Variants in DOCK7 observed in about 807,000 individuals in gnomAD.
DOCK7 encodes the protein dedicator of cytokinesis protein 7.
A neutral mutation model predicts 271.0 loss-of-function variants in DOCK7; 138 were observed. The ratio of observed to expected loss-of-function variants is 0.51; its 90% CI spans 0.44 to 0.59. The LOEUF is 0.59. Among genes scored for constraint, DOCK7 ranks in the 20% least tolerant of loss-of-function variants. The pLI, the probability that DOCK7 is intolerant of heterozygous loss-of-function variation, is 0.00. For missense variants in DOCK7, 2,066 were observed against 2,592.4 expected (o/e 0.80, Z 4.41); for synonymous variants, 823 against 876.1 (o/e 0.94, Z 1.07).
At chr1:62,555,586 A>G (rs1646114215) in intron 21 of DOCK7, among the ~76,000 whole-genome samples, 1 of 152,226 alleles carries the variant, frequency 6.6e-6, no homozygotes, top group Admixed American at 6.5e-5. Flanking sequence ...TCCAAAAATT[A>G]ACTCAACCAA....
chr1:62,667,033 C>T (rs546206548), intron 1 of DOCK7, among the ~76,000 whole-genome samples: 1 of 152,358 alleles, frequency 6.6e-6, no homozygotes, highest in East Asian at 1.9e-4. Flanking sequence ...AAAAGACCCA[C>T]ATTCCGAGAG....
chr1:62,661,083 G>C (rs1424598353), intron 2 of DOCK7, among the ~76,000 whole-genome samples: 1 of 146,044 alleles, frequency 6.8e-6, no homozygotes, highest in Non-Finnish European at 1.5e-5. Flanking sequence ...CGATGATAAA[G>C]CAAGAACCTG....
chr1:62,635,906 G>A (rs978247815), intron 8 of DOCK7, among the ~76,000 whole-genome samples: 5 of 152,020 alleles, frequency 3.3e-5, no homozygotes, highest in Non-Finnish European at 7.4e-5. Flanking sequence ...TGAGCCACAA[G>A]CACCCGGCCA....
intron 14 of DOCK7, among the ~76,000 whole-genome samples, chr1:62,600,598 C>T (rs1649967567): frequency 6.6e-6 from 1 of 151,722 alleles, no homozygotes; most frequent in Non-Finnish European, 1.5e-5. Flanking sequence ...AACAAACTTG[C>T]CAACCTGCCA....
chr1:62,554,655 G>A (rs1646079161), intron 21 of DOCK7, among the ~76,000 whole-genome samples: 1 of 151,856 alleles, frequency 6.6e-6, no homozygotes, highest in Non-Finnish European at 1.5e-5. Context: ...CATACCTGTT[G>A]CCTAATTAAT....
chr1:62,512,924 A>C (rs751842836), intron 33 of DOCK7, among the ~76,000 whole-genome samples: 1 of 151,860 alleles, frequency 6.6e-6, no homozygotes, highest in Non-Finnish European at 1.5e-5. Context: ...TAAAAAAAAA[A>C]AGTAAAAATA....
intron 21 of DOCK7, among the ~76,000 whole-genome samples, chr1:62,553,312 T>TTA (rs1370176103): frequency 1.9e-4 from 4 of 20,586 alleles, no homozygotes; most frequent in East Asian, 1.1e-3. Context: ...AAAAAGTATT[T>TTA]TATATATATA....
In DOCK7 at chr1:62,541,378, A is replaced by T. The variant is rs571772888; in HGVS notation, c.3045+1230T>A. ...TGTGTGTGTTTACATATACAAGTTTATATGTACAGGTGACCCTTGAACAGC... is the reference window on the plus strand; with the variant it reads ...TGTGTGTGTTTACATATACAAGTTTTTATGTACAGGTGACCCTTGAACAGC... On this transcript the variant is annotated intron_variant, in intron 25 of 49. Coordinates refer to ENST00000635253, the MANE Select transcript of DOCK7 (RefSeq NM_001367561.1). Among the ~76,000 whole-genome samples, 65 of 152,290 alleles carry T rather than the reference A, an allele frequency of 4.3e-4. No homozygotes were observed. In the South Asian group the frequency reaches 9.3e-3, roughly 22 times the overall value.
chr1:62,597,815 T>A (rs920003542), intron 14 of DOCK7: 1 of 1,613,188 alleles, frequency 6.2e-7, no homozygotes, highest in Non-Finnish European at 8.5e-7. Flanking sequence ...AGTCTTTTTA[T>A]GATCTATCGC....
Position 62,555,907 on chromosome 1 carries a change from C to A in DOCK7, c.2514G>T (p.Gln838His). The A allele has an allele frequency of 6.2e-7, 1 of 1,613,894 alleles. No individual in the cohort carries two copies. ...ATGCAAGAAGGCTGTTTCTGCCATGCTGGTCATGATTTCCTTCCAAGTTTT... is the reference window on the plus strand; with the variant it reads ...ATGCAAGAAGGCTGTTTCTGCCATGATGGTCATGATTTCCTTCCAAGTTTT... ...LHKNLEGNHDQHGRNSLLASY... is the reference protein window; with the variant it reads ...LHKNLEGNHDHHGRNSLLASY... Residue 838 changes from glutamine to histidine, a missense_variant, in exon 21 of 50, where the codon CAG becomes CAT. Around this residue, in one of 2 missense-constraint regions of DOCK7, gnomAD observed 1,414 missense variants for 1,670.4 expected, o/e 0.85. Transcript: ENST00000635253.
chr1:62,467,236 T>C (rs1239958603), intron 48 of DOCK7, among the ~76,000 whole-genome samples: 2 of 152,206 alleles, frequency 1.3e-5, no homozygotes, highest in South Asian at 2.1e-4. Context: ...TCACAGGTTT[T>C]ACAACAGGGC....
At chr1:62,461,843 G>T (rs182211216) in intron 48 of DOCK7, among the ~76,000 whole-genome samples, 2 of 150,764 alleles carry the variant, frequency 1.3e-5, no homozygotes, top group Non-Finnish European at 3.0e-5. Context: ...AGGCAGAGGC[G>T]GGCGGATCAC....
At chr1:62,578,073 G>A (rs531822447) in intron 17 of DOCK7, among the ~76,000 whole-genome samples, 8 of 152,154 alleles carry the variant, frequency 5.3e-5, no homozygotes, top group East Asian at 1.9e-4. Context: ...ACAGGTGCAC[G>A]ACACCACGCC....
chr1:62,506,582 T>C (rs2149324825), intron 35 of DOCK7, among the ~76,000 whole-genome samples: 1 of 152,014 alleles, frequency 6.6e-6, no homozygotes, highest in East Asian at 2.0e-4. Context: ...GCAATTCTTG[T>C]GCCTCAGCCT....
At chr1:62,676,523 A>G (rs1164288525) in intron 1 of DOCK7, among the ~76,000 whole-genome samples, 1 of 152,196 alleles carries the variant, frequency 6.6e-6, no homozygotes, top group Non-Finnish European at 1.5e-5. Flanking sequence ...TATGATACAT[A>G]AAGTATACCT....
At chr1:62,604,158 C>T (rs377241107) in intron 14 of DOCK7, 25 of 1,613,062 alleles carry the variant, frequency 1.5e-5, no homozygotes, top group African/African-American at 1.1e-4. Flanking sequence ...AATGCAATCC[C>T]GGAAAACAAA....
intron 40 of DOCK7, 41 bp downstream of exon 40, chr1:62,494,234 A>G (rs995968222): frequency 4.7e-6 from 7 of 1,490,212 alleles, no homozygotes; most frequent in Non-Finnish European, 5.4e-6. Flanking sequence ...AAACCAAAAA[A>G]AGATATACCT....
Position 62,479,680 on chromosome 1 carries a change from ATTTTTAG to A in DOCK7, c.5509-1862_5509-1856del. The A allele has an allele frequency of 8.8e-6, 3 of 341,892 alleles. 1 individual carries two copies. The highest frequency in any genetic ancestry group is 4.8e-5 in the South Asian group (2 of 41,716). 21.2% of individuals were successfully genotyped at this position (341,892 alleles called of 1,614,324 possible). A position where few individuals can be genotyped will look rare whatever the true frequency, so the allele number is the denominator to read the frequency against. ...CATTCCTACTTTTTGTTTTTTATTT[ATTTTTAG>A]TTTTTAGTTTTTTTGAGACAGGGTC... On this transcript the variant is annotated intron_variant, in intron 43 of 49. Coordinates refer to ENST00000635253, the MANE Select transcript of DOCK7 (RefSeq NM_001367561.1).
At chr1:62,576,675 T>C (rs1304679899) in intron 18 of DOCK7, among the ~76,000 whole-genome samples, 4 of 152,218 alleles carry the variant, frequency 2.6e-5, no homozygotes, top group Non-Finnish European at 4.4e-5. Context: ...AACCATTGTG[T>C]TTCTCTCAAG....
Sources: gnomAD v4.1 joint callset for allele counts (sites outside exome capture counted in the v4.1 genomes callset) on GRCh38, gnomAD v4.1.1 for gene constraint, gnomAD v4.1.1 regional missense constraint, MANE v1.5 for transcripts, NCBI Gene and HGNC (gene_info 2026-07-23, HGNC 2026-07-21) for gene names.